The following MAX variants were observed in gnomAD, a reference collection of about 807,000 sequenced individuals.
The protein encoded by MAX is protein max.
Under a neutral mutation model 22.3 loss-of-function variants are expected in MAX, and 3 were observed. That is an observed-to-expected ratio of 0.13 (90% CI 0.06 to 0.35). The LOEUF is 0.35. Ranked by LOEUF, MAX falls within the 10% of genes least tolerant of loss-of-function variation. MAX has a pLI of 1.00. For synonymous variants in MAX, 72 were observed against 77.7 expected, an observed-to-expected ratio of 0.93 and a Z score of 0.39; for missense variants, 119 against 209.4, an observed-to-expected ratio of 0.57 and a Z score of 2.66.
At chr14:65,025,296 G>C (rs1258440850) in intron 3 of MAX, among the ~76,000 whole-genome samples, 1 of 152,182 alleles carries the variant, frequency 6.6e-6, no homozygotes, top group Non-Finnish European at 1.5e-5. Context: ...AAAGGGAGTG[G>C]ATAACCAGGT....
chr14:65,076,766 T>C lies in MAX; in HGVS notation c.296-103A>G. On this transcript the variant is annotated intron_variant, in intron 4 of 4. Coordinates refer to ENST00000358664, the MANE Select transcript of MAX (RefSeq NM_002382.5). This position sits in a 1 kb window ranked among gnomAD's most constrained non-coding sequence, Gnocchi z 6.6. Reference sequence around the variant, plus strand: ...CCTGTTCTTCCTAAGGGCTTGCTTGTTGGCCCCCGAGGCTCAAGATGCTCA... The same window carrying C: ...CCTGTTCTTCCTAAGGGCTTGCTTGCTGGCCCCCGAGGCTCAAGATGCTCA... The C allele has an allele frequency of 7.1e-7, 1 of 1,416,726 alleles. No individual in the cohort carries two copies. The highest frequency in any genetic ancestry group is 2.3e-5 in the East Asian group (1 of 43,800). The allele number at this position is 1,416,726 out of a possible 1,614,324, so 87.8% of individuals were successfully genotyped here.
chr14:65,051,902 C>G (rs1375644873), intron 3 of MAX, among the ~76,000 whole-genome samples: 4 of 151,360 alleles, frequency 2.6e-5, no homozygotes, highest in African/African-American at 9.7e-5. Flanking sequence ...TCACGCCATT[C>G]TCCTGCCTCA....
chr14:65,050,481 C>T (rs1190674794), intron 3 of MAX, among the ~76,000 whole-genome samples: 1 of 152,106 alleles, frequency 6.6e-6, no homozygotes, highest in African/African-American at 2.4e-5. Context: ...ATCCAAGGTA[C>T]TCAGGAGGCT....
Position 65,044,442 on chromosome 14 carries a change from A to C in MAX, c.172-38158T>G. 3 of 1,606,410 alleles carry C rather than the reference A, an allele frequency of 1.9e-6. No individual in the cohort carries two copies. The highest frequency in any genetic ancestry group is 2.5e-6 in the Non-Finnish European group (3 of 1,177,238). Reference sequence around the variant, plus strand: ...TGCTCCACCGCGCACTGCACGCCCAAGGTGAGCCTGGGGAGCTGTTCACTT... The same window carrying C: ...TGCTCCACCGCGCACTGCACGCCCACGGTGAGCCTGGGGAGCTGTTCACTT... On this transcript the variant is annotated intron_variant, in intron 3 of 3. Transcript: ENST00000341653. This position sits in a 1 kb window ranked among gnomAD's most constrained non-coding sequence, Gnocchi z 5.5.
rs144718428 is a variant in MAX, at chr14:65,056,544, A to G, written c.171+37164T>C. Among the ~76,000 whole-genome samples, 628 of 152,148 alleles carry G rather than the reference A, an allele frequency of 4.1e-3. 10 individuals are homozygous for G. The highest frequency in any genetic ancestry group is 0.04 in the East Asian group (205 of 5,170). On this transcript the variant is annotated intron_variant, in intron 3 of 3. Transcript: ENST00000341653. ...GCCAATTTGATGGGTGTGAAGTGGT[A>G]TTTGTTTGATTTTGTGTTTTCCTGA...
intron 3 of MAX, among the ~76,000 whole-genome samples, chr14:65,045,334 T>C (rs549751398): frequency 6.6e-6 from 1 of 152,208 alleles, no homozygotes; most frequent in South Asian, 2.1e-4. Flanking sequence ...ATGTAACTGC[T>C]CAAATGTAAA....
rs577099550 is a variant in MAX, at chr14:65,054,224, T to C, written c.171+39484A>G. Among the ~76,000 whole-genome samples the C allele has an allele frequency of 2.0e-5, 3 of 152,240 alleles. No individual in the cohort carries two copies. In the East Asian group the frequency reaches 5.8e-4, roughly 30 times the overall value. On this transcript the variant is annotated intron_variant, in intron 3 of 3. Coordinates refer to the MAX transcript ENST00000341653. The surrounding 1 kb of genome is among the most constrained non-coding windows in gnomAD (Gnocchi z 4.4). ...ACCTCTTGGGCTCGAGTGATCCTCC[T>C]GCTTCAGCCTCCCAAGTAACTGGAA...
intron 2 of MAX, 29 bp downstream of exon 2, chr14:65,101,517 A>C: frequency 6.3e-7 from 1 of 1,599,114 alleles, no homozygotes; most frequent in Non-Finnish European, 8.6e-7. Context: ...GAACGGAAAT[A>C]AAAATGAAAT....
At chr14:65,026,016 C>G (rs7148820) in intron 3 of MAX, among the ~76,000 whole-genome samples, 1 of 152,180 alleles carries the variant, frequency 6.6e-6, no homozygotes, top group Non-Finnish European at 1.5e-5. Flanking sequence ...AAATCGAAAG[C>G]AATTAAATGT....
At chr14:65,081,678 G>C (rs1362941290) in intron 3 of MAX, among the ~76,000 whole-genome samples, 1 of 152,188 alleles carries the variant, frequency 6.6e-6, no homozygotes, top group Non-Finnish European at 1.5e-5. Flanking sequence ...AGCAAGTGCT[G>C]CCTTGGGTAC....
At chr14:65,083,316 T>A (rs1345053435) in intron 3 of MAX, among the ~76,000 whole-genome samples, 1 of 152,154 alleles carries the variant, frequency 6.6e-6, no homozygotes, top group Non-Finnish European at 1.5e-5. Flanking sequence ...AATAGAACCG[T>A]TTAAGGCCCC....
Position 65,084,339 on chromosome 14 carries a change from G to T in MAX, c.172-6303C>A. On this transcript the variant is annotated intron_variant, in intron 3 of 4. Coordinates refer to ENST00000358664, the MANE Select transcript of MAX (RefSeq NM_002382.5). This position sits in a 1 kb window ranked among gnomAD's most constrained non-coding sequence, Gnocchi z 4.3. The stretch of plus-strand genomic sequence containing the variant: ...TGTGGAAAAGCAATTAATTTCACAA[G>T]TAATAAATAGAATACAAAATTACTA... 1 of 1,189,046 alleles carries T rather than the reference G, an allele frequency of 8.4e-7. No homozygotes were observed. The highest frequency in any genetic ancestry group is 1.3e-6 in the Non-Finnish European group (1 of 796,632). The allele number at this position is 1,189,046 out of a possible 1,614,324, so 73.7% of individuals were successfully genotyped here.
At chr14:65,085,492 G>A (rs1462916644) in intron 3 of MAX, among the ~76,000 whole-genome samples, 8 of 152,226 alleles carry the variant, frequency 5.3e-5, no homozygotes, top group Non-Finnish European at 1.2e-4. Flanking sequence ...GAGCTCTCTA[G>A]TACTCTTGGG....
At chr14:65,046,385 G>C (rs1275342963) in intron 3 of MAX, among the ~76,000 whole-genome samples, 1 of 152,206 alleles carries the variant, frequency 6.6e-6, no homozygotes, top group Non-Finnish European at 1.5e-5. Flanking sequence ...CCTGTCCCTG[G>C]CATGGATAAG....
intron 3 of MAX, chr14:65,090,702 G>GC (rs1380948119): frequency 1.3e-5 from 2 of 151,950 alleles, no homozygotes; most frequent in Non-Finnish European, 2.9e-5. Context: ...ATGCAGTTTT[G>GC]CCTTGTTGCT....
chr14:65,077,382 A>C lies in MAX; in HGVS notation c.295+531T>G. On this transcript the variant is annotated intron_variant, in intron 4 of 4. Transcript: ENST00000358664. This position sits in a 1 kb window ranked among gnomAD's most constrained non-coding sequence, Gnocchi z 6.3. ...TGCATCTTCCATGAGGGAGGAAGAG[A>C]AGTGAATTCCCCAGGAACAAAGAAC... 6.2e-7 allele frequency: 1 copy of C among 1,613,958 alleles called. No homozygotes were observed.
At chr14:65,041,949 C>T (rs2062362729) in intron 3 of MAX, among the ~76,000 whole-genome samples, 1 of 152,192 alleles carries the variant, frequency 6.6e-6, no homozygotes, top group Non-Finnish European at 1.5e-5. Context: ...GTCCCTACTA[C>T]ATTTGAGACA....
rs2063211953 is a variant in MAX, at chr14:65,082,039, C to T, written c.172-4003G>A. ...AGCACTAACACTTACTGAGTACTTA[C>T]TAAGTGTCAGGCATCCTCACACAAC... On this transcript the variant is annotated intron_variant, in intron 3 of 4. Transcript: ENST00000358664. This position sits in a 1 kb window ranked among gnomAD's most constrained non-coding sequence, Gnocchi z 4.8. 1 of 152,180 alleles carries T rather than the reference C, an allele frequency of 6.6e-6. No individual in the cohort carries two copies. The highest frequency in any genetic ancestry group is 2.4e-5 in the African/African-American group (1 of 41,428). 9.4% of individuals were successfully genotyped at this position (152,180 alleles called of 1,614,324 possible).
chr14:65,088,391 A>G lies in MAX; in HGVS notation c.171+5317T>C, dbSNP rs2063400663. Among the ~76,000 whole-genome samples, 1 of 152,200 alleles carries G rather than the reference A, an allele frequency of 6.6e-6. No homozygotes were observed. The highest frequency in any genetic ancestry group is 1.5e-5 in the Non-Finnish European group (1 of 68,036). ...AATTGCTGAGCCTGGAGCCTAAGGG[A>G]GACTTGGGCAACTATGGGCAACAAT... On this transcript the variant is annotated intron_variant, in intron 3 of 4. Transcript: ENST00000358664. This position sits in a 1 kb window ranked among gnomAD's most constrained non-coding sequence, Gnocchi z 5.2.
Sources: gnomAD v4.1 joint callset for allele counts (sites outside exome capture counted in the v4.1 genomes callset) on GRCh38, gnomAD v4.1.1 for gene constraint, Gnocchi (gnomAD v3.1) non-coding constraint, MANE v1.5 for transcripts, NCBI Gene and HGNC (gene_info 2026-07-23, HGNC 2026-07-21) for gene names.